SLC41A2: variants seen among roughly 807,000 people sequenced by gnomAD.
SLC41A2 encodes the protein SLC41A1-like 1.
A neutral mutation model predicts 58.3 loss-of-function variants in SLC41A2; 32 were observed. The observed-to-expected ratio is 0.55, with a 90% CI of 0.41 to 0.74. The LOEUF (loss-of-function observed/expected upper bound fraction) is 0.74, where lower values mean the gene tolerates loss of function less well. SLC41A2 is among the 30% of genes least tolerant of loss of function. The pLI is 0.00. For synonymous variants in SLC41A2, 190 were observed against 235.0 expected (o/e 0.81, Z 1.75); for missense variants, 514 against 680.6 (o/e 0.76, Z 2.72).
chr12:104,843,565 C>T (rs548304416), intron 10 of SLC41A2, among the ~76,000 whole-genome samples: 20 of 152,138 alleles, frequency 1.3e-4, no homozygotes, highest in African/African-American at 4.6e-4. Context: ...TTTCTCACCT[C>T]TATGTTTTAA....
chr12:104,885,072 G>A (rs148782759), intron 6 of SLC41A2, among the ~76,000 whole-genome samples: 16 of 151,920 alleles, frequency 1.1e-4, no homozygotes, highest in African/African-American at 3.1e-4. Flanking sequence ...GGAATTAAGT[G>A]TTGTCCTTAA....
intron 1 of SLC41A2, among the ~76,000 whole-genome samples, chr12:104,957,078 T>A (rs1338504641): frequency 6.6e-6 from 1 of 152,116 alleles, no homozygotes; most frequent in Non-Finnish European, 1.5e-5. Flanking sequence ...CACAAAAACG[T>A]GTAAACAAAT....
chr12:104,907,013 C>T (rs1157138585), intron 3 of SLC41A2, among the ~76,000 whole-genome samples: 5 of 152,164 alleles, frequency 3.3e-5, no homozygotes, highest in African/African-American at 1.2e-4. Flanking sequence ...ACTTCCCTTA[C>T]CGATATCCAA....
chr12:104,907,102 C>T (rs923509029), intron 3 of SLC41A2, among the ~76,000 whole-genome samples: 1 of 151,966 alleles, frequency 6.6e-6, no homozygotes. Context: ...TTATTTTTTT[C>T]CATGGGTTAT....
At chr12:104,838,716 T>C (rs2042297297) in intron 10 of SLC41A2, among the ~76,000 whole-genome samples, 1 of 152,148 alleles carries the variant, frequency 6.6e-6, no homozygotes, top group South Asian at 2.1e-4. Context: ...AAAATTTAAT[T>C]TATTCTGAAG....
intron 3 of SLC41A2, among the ~76,000 whole-genome samples, chr12:104,898,169 A>G (rs1284824001): frequency 6.6e-6 from 1 of 152,152 alleles, no homozygotes; most frequent in African/African-American, 2.4e-5. Flanking sequence ...ATTTTTTAGG[A>G]AAGAGTAGAG....
At chr12:104,860,380 C>T (rs1254285981) in intron 8 of SLC41A2, among the ~76,000 whole-genome samples, 4 of 149,478 alleles carry the variant, frequency 2.7e-5, no homozygotes, top group African/African-American at 9.9e-5. Flanking sequence ...GCACATGTAT[C>T]CCAGAACTTA....
Position 104,805,100 on chromosome 12 carries a change from G to T in SLC41A2, c.*52C>A. ...AGAGTTTTGAAAAAGAGCCATAAGT[G>T]GTTGTCGTGTATTTTCTTCCTTGGT... On this transcript the variant is annotated 3_prime_UTR_variant, in exon 11 of 11. Transcript: ENST00000258538. The T allele has an allele frequency of 6.9e-7, 1 of 1,449,836 alleles. No individual in the cohort carries two copies. The highest frequency in any genetic ancestry group is 1.4e-5 in the African/African-American group (1 of 69,654). The allele number at this position is 1,449,836 out of a possible 1,614,324, so 89.8% of individuals were successfully genotyped here. A position where few individuals can be genotyped will look rare whatever the true frequency, so the allele number is the denominator to read the frequency against.
intron 1 of SLC41A2, among the ~76,000 whole-genome samples, chr12:104,937,660 T>C (rs1355107821): frequency 2.6e-5 from 4 of 152,206 alleles, no homozygotes; most frequent in Non-Finnish European, 5.9e-5. Flanking sequence ...CATGACTGTA[T>C]TTAGTGCCTT....
At chr12:104,933,468 T>C (rs2047145214) in intron 1 of SLC41A2, among the ~76,000 whole-genome samples, 1 of 152,194 alleles carries the variant, frequency 6.6e-6, no homozygotes, top group African/African-American at 2.4e-5. Flanking sequence ...GAAAATAGTA[T>C]GGAGATTTCT....
chr12:104,904,956 G>C (rs1048001806), intron 3 of SLC41A2, among the ~76,000 whole-genome samples: 1 of 152,060 alleles, frequency 6.6e-6, no homozygotes, highest in African/African-American at 2.4e-5. Context: ...ATGCTGGCTC[G>C]GGTAGCCTGC....
At chr12:104,951,942 T>C (rs1238687443) in intron 1 of SLC41A2, among the ~76,000 whole-genome samples, 1 of 151,984 alleles carries the variant, frequency 6.6e-6, no homozygotes, top group Non-Finnish European at 1.5e-5. Flanking sequence ...ATTTCTGGAT[T>C]GGCTGCTCCT....
chr12:104,812,199 TTAATA>T (rs1384313959), intron 10 of SLC41A2, among the ~76,000 whole-genome samples: 1 of 152,158 alleles, frequency 6.6e-6, no homozygotes, highest in African/African-American at 2.4e-5. Flanking sequence ...CCCATGTCCT[TTAATA>T]GTAAAGCATC....
intron 10 of SLC41A2, among the ~76,000 whole-genome samples, chr12:104,830,912 C>T (rs966550094): frequency 6.6e-6 from 1 of 152,138 alleles, no homozygotes; most frequent in Non-Finnish European, 1.5e-5. Flanking sequence ...TATCTTTGTA[C>T]TTACATAATC....
At chr12:104,861,176 G>A in intron 8 of SLC41A2, 115 bp downstream of exon 8, 1 of 630,352 alleles carries the variant, frequency 1.6e-6, no homozygotes, top group Admixed American at 3.2e-5. Flanking sequence ...AGGCAGAATG[G>A]TTGGGATGGG....
intron 6 of SLC41A2, among the ~76,000 whole-genome samples, chr12:104,879,720 C>T (rs1034469452): frequency 6.6e-6 from 1 of 152,146 alleles, no homozygotes; most frequent in African/African-American, 2.4e-5. Flanking sequence ...AGTTTGAAGT[C>T]AGGCAGCATG....
intron 6 of SLC41A2, among the ~76,000 whole-genome samples, chr12:104,868,017 G>T (rs966537077): frequency 1.3e-5 from 2 of 151,644 alleles, no homozygotes; most frequent in Non-Finnish European, 2.9e-5. Context: ...GTATGGATTT[G>T]CCATCACATC....
At chr12:104,943,360 A>G (rs1342449792) in intron 1 of SLC41A2, among the ~76,000 whole-genome samples, 2 of 152,060 alleles carry the variant, frequency 1.3e-5, no homozygotes, top group Non-Finnish European at 2.9e-5. Context: ...TCCTCAGCCA[A>G]TGGATGCCCT....
chr12:104,954,809 A>T (rs1183400518), intron 1 of SLC41A2, among the ~76,000 whole-genome samples: 1 of 152,068 alleles, frequency 6.6e-6, no homozygotes, highest in Non-Finnish European at 1.5e-5. Flanking sequence ...TATTATTTCC[A>T]TTTGGAAACC....
Sources: gnomAD v4.1 joint callset for allele counts (sites outside exome capture counted in the v4.1 genomes callset) on GRCh38, gnomAD v4.1.1 for gene constraint, MANE v1.5 for transcripts, NCBI Gene and HGNC (gene_info 2026-07-23, HGNC 2026-07-21) for gene names.